DTWD2: variants seen among roughly 807,000 people sequenced by gnomAD.
The protein encoded by DTWD2 is DTW motif tRNA-uridine aminocarboxypropyltransferase 2, also known as tRNA-uridine aminocarboxypropyltransferase 2.
A neutral mutation model predicts 31.8 loss-of-function variants in DTWD2; 39 were observed. That is an observed-to-expected ratio of 1.22 (90% CI 0.95 to 1.60). The LOEUF is 1.60. Among genes scored for constraint, DTWD2 ranks in the 40% most tolerant of loss-of-function variants. The pLI is 0.00. For synonymous variants in DTWD2, 180 were observed against 142.8 expected, an observed-to-expected ratio of 1.26 and a Z score of -1.86; for missense variants, 515 against 381.5, an observed-to-expected ratio of 1.35 and a Z score of -2.92.
chr5:118,945,834 C>T (rs1277116159), intron 1 of DTWD2, among the ~76,000 whole-genome samples: 1 of 149,806 alleles, frequency 6.7e-6, no homozygotes, highest in Non-Finnish European at 1.5e-5. Context: ...GGCCAGATCC[C>T]AGATATGGGA....
chr5:118,930,524 C>G (rs577001128), intron 3 of DTWD2, among the ~76,000 whole-genome samples: 19 of 152,076 alleles, frequency 1.2e-4, no homozygotes, highest in Non-Finnish European at 2.5e-4. Context: ...CCAGGGCAAA[C>G]ACTCCAAAAA....
chr5:118,903,061 T>C (rs1281575468), intron 4 of DTWD2, among the ~76,000 whole-genome samples: 1 of 151,898 alleles, frequency 6.6e-6, no homozygotes, highest in Non-Finnish European at 1.5e-5. Context: ...TATTTAAAAT[T>C]ACAGTCCTAG....
intron 4 of DTWD2, among the ~76,000 whole-genome samples, chr5:118,850,150 C>T (rs1235605123): frequency 6.6e-6 from 1 of 151,676 alleles, no homozygotes; most frequent in Non-Finnish European, 1.5e-5. Flanking sequence ...TGGATCTCTA[C>T]ATATCACCAT....
chr5:118,955,524 A>T (rs930891898), intron 1 of DTWD2, among the ~76,000 whole-genome samples: 1 of 152,252 alleles, frequency 6.6e-6, no homozygotes, highest in Non-Finnish European at 1.5e-5. Flanking sequence ...ACAAATTTTT[A>T]TTCAAATATT....
intron 4 of DTWD2, among the ~76,000 whole-genome samples, chr5:118,893,857 T>C (rs759060891): frequency 6.6e-6 from 1 of 152,112 alleles, no homozygotes; most frequent in East Asian, 1.9e-4. Context: ...ATCTCAGATC[T>C]ACAAGCACAA....
intron 5 of DTWD2, 92 bp downstream of exon 5, chr5:118,847,996 CAT>C (rs1328900568): frequency 3.8e-6 from 5 of 1,314,836 alleles, no homozygotes; most frequent in East Asian, 2.6e-5. Flanking sequence ...CTACTTGTCA[CAT>C]GAGTTACAAA....
intron 4 of DTWD2, among the ~76,000 whole-genome samples, chr5:118,923,651 C>A (rs1324333722): frequency 6.6e-6 from 1 of 152,178 alleles, no homozygotes; most frequent in Non-Finnish European, 1.5e-5. Context: ...TCCAAGTAAG[C>A]TTTCCTTTCT....
chr5:118,876,107 T>C (rs1752616185), intron 4 of DTWD2, among the ~76,000 whole-genome samples: 1 of 152,162 alleles, frequency 6.6e-6, no homozygotes, highest in South Asian at 2.1e-4. Flanking sequence ...GAATGACTTT[T>C]GGGTAAATAA....
At chr5:118,896,985 T>A (rs1334554851) in intron 4 of DTWD2, among the ~76,000 whole-genome samples, 2 of 152,198 alleles carry the variant, frequency 1.3e-5, no homozygotes, top group African/African-American at 4.8e-5. Flanking sequence ...GACTAAACTC[T>A]TAACAAATTC....
At chr5:118,919,691 C>T (rs1753658346) in intron 4 of DTWD2, among the ~76,000 whole-genome samples, 2 of 152,086 alleles carry the variant, frequency 1.3e-5, no homozygotes, top group African/African-American at 4.8e-5. Flanking sequence ...TTATACTCAG[C>T]CATGCATATG....
chr5:118,856,764 C>CTTTT (rs68175368), intron 4 of DTWD2, among the ~76,000 whole-genome samples: 657 of 44,338 alleles, frequency 0.015, 43 homozygotes, highest in Admixed American at 0.018. Context: ...TTGAGGCTTA[C>CTTTT]TTTTTTTTTT....
At chr5:118,947,328 T>C (rs1216305909) in intron 1 of DTWD2, among the ~76,000 whole-genome samples, 1 of 152,132 alleles carries the variant, frequency 6.6e-6, no homozygotes, top group Non-Finnish European at 1.5e-5. Context: ...CAGGAATGAA[T>C]TGAAGGGTGG....
At chr5:118,934,081 G>A (rs1450710553) in intron 3 of DTWD2, among the ~76,000 whole-genome samples, 1 of 150,366 alleles carries the variant, frequency 6.7e-6, no homozygotes, top group African/African-American at 2.4e-5. Flanking sequence ...GAAATTCTTA[G>A]GTGTGAATCT....
At position 118,841,562 on chromosome 5, in the gene DTWD2, T is replaced by C. The variant is rs185799693; in HGVS notation, c.727-475A>G. Among the ~76,000 whole-genome samples, 10 of 152,318 alleles carry C rather than the reference T, an allele frequency of 6.6e-5. No individual in the cohort carries two copies. The East Asian group carries it at 1.9e-3, about 29-fold the overall frequency. On this transcript the variant is annotated intron_variant, in intron 5 of 5. Coordinates refer to ENST00000510708, the MANE Select transcript of DTWD2 (RefSeq NM_173666.4). ...AAACGGTTTGCTATTTCTCTCACATTAGTGCCATGGACCACATACAAGTTA... is the reference window on the plus strand; with the variant it reads ...AAACGGTTTGCTATTTCTCTCACATCAGTGCCATGGACCACATACAAGTTA...
chr5:118,952,096 G>T (rs965326827), intron 1 of DTWD2, among the ~76,000 whole-genome samples: 1 of 152,192 alleles, frequency 6.6e-6, no homozygotes, highest in African/African-American at 2.4e-5. Context: ...AGAGGACAGA[G>T]AAGACAGTAA....
intron 1 of DTWD2, chr5:118,973,790 C>G (rs1755057053): frequency 5.6e-6 from 9 of 1,611,610 alleles, no homozygotes; most frequent in Non-Finnish European, 7.6e-6. Flanking sequence ...ACCGGCGTGC[C>G]CCACCATGTC....
At chr5:118,851,264 C>T (rs546777947) in intron 4 of DTWD2, among the ~76,000 whole-genome samples, 3 of 150,980 alleles carry the variant, frequency 2.0e-5, no homozygotes, top group South Asian at 4.2e-4. Context: ...CAGGGTAACC[C>T]ACCCCCAATA....
At chr5:118,962,748 T>C (rs1561473006) in intron 1 of DTWD2, among the ~76,000 whole-genome samples, 1 of 152,362 alleles carries the variant, frequency 6.6e-6, no homozygotes, top group East Asian at 1.9e-4. Context: ...AATACTTTAA[T>C]TCTCACAAAA....
chr5:118,851,696 G>T, intron 4 of DTWD2, among the ~76,000 whole-genome samples: 1 of 123,838 alleles, frequency 8.1e-6, no homozygotes, highest in African/African-American at 3.0e-5. Flanking sequence ...TTGTGGGGTG[G>T]GGGGAGGGGG....
Sources: gnomAD v4.1 joint callset for allele counts (sites outside exome capture counted in the v4.1 genomes callset) on GRCh38, gnomAD v4.1.1 for gene constraint, MANE v1.5 for transcripts, NCBI Gene and HGNC (gene_info 2026-07-23, HGNC 2026-07-21) for gene names.